ANKRD18B: variants seen among roughly 807,000 people sequenced by gnomAD.
ANKRD18B encodes ankyrin repeat domain-containing protein 18B.
A neutral mutation model predicts 111.8 loss-of-function variants in ANKRD18B; 75 were observed. The observed-to-expected ratio is 0.67, with a 90% confidence interval of 0.56 to 0.81. ANKRD18B has a LOEUF of 0.81. ANKRD18B is among the 40% of genes least tolerant of loss of function. The pLI, the probability that ANKRD18B is intolerant of heterozygous loss-of-function variation, is 0.00. For missense variants in ANKRD18B, 1,038 were observed against 1,225.5 expected, an observed-to-expected ratio of 0.85 and a Z score of 2.28; for synonymous variants, 356 against 417.3, an observed-to-expected ratio of 0.85 and a Z score of 1.79.
intron 11 of ANKRD18B, among the ~76,000 whole-genome samples, chr9:33,549,653 G>C (rs1240789670): frequency 1.3e-5 from 2 of 152,014 alleles, no homozygotes; most frequent in African/African-American, 4.8e-5. Context: ...ACTTTGTTCT[G>C]ATTCATACCA....
In ANKRD18B at chr9:33,566,331, A is replaced by C. The variant is rs533839879; in HGVS notation, c.2573A>C (p.Lys858Thr). Residue 858 changes from lysine to threonine, a missense_variant, in exon 15 of 19, where the codon AAA becomes ACA. By Grantham distance (78) the Lys-to-Thr change is moderately conservative. This residue lies in a region of ANKRD18B where 524 missense variants were observed against 677.9 expected (regional missense o/e 0.77). Coordinates refer to ENST00000684830, the MANE Select transcript of ANKRD18B (RefSeq NM_001393611.1). ...ELLSMGKVQE[K>T]CEKLEKDKKM... Reference sequence around the variant, plus strand: ...TTATCTATGGGAAAAGTACAAGAGAAATGTGAAAAACTTGAGAAGGATAAA... The same window carrying C: ...TTATCTATGGGAAAAGTACAAGAGACATGTGAAAAACTTGAGAAGGATAAA... The C allele has an allele frequency of 1.9e-6, 3 of 1,565,424 alleles. No homozygotes were observed. The highest frequency in any genetic ancestry group is 4.8e-5 in the East Asian group (2 of 42,068).
chr9:33,554,396 A>G (rs1828492612), intron 12 of ANKRD18B, among the ~76,000 whole-genome samples: 1 of 152,244 alleles, frequency 6.6e-6, no homozygotes. Flanking sequence ...AATATTGTCT[A>G]TAATATGTGT....
intron 5 of ANKRD18B, among the ~76,000 whole-genome samples, chr9:33,535,871 G>A (rs1242200427): frequency 1.3e-5 from 2 of 148,620 alleles, no homozygotes; most frequent in African/African-American, 4.9e-5. Flanking sequence ...CATTATAAAA[G>A]TATTCATGTA....
chr9:33,572,014 G>A, intron 18 of ANKRD18B: 1 of 349,212 alleles, frequency 2.9e-6, no homozygotes, highest in Non-Finnish European at 5.3e-6. Context: ...TTAGGTTATA[G>A]CATATGACTA....
chr9:33,529,591 G>A (rs937471592), intron 3 of ANKRD18B, among the ~76,000 whole-genome samples: 1 of 152,204 alleles, frequency 6.6e-6, no homozygotes, highest in African/African-American at 2.4e-5. Context: ...CATGGGCAAG[G>A]TTTAAGACGG....
At position 33,570,533 on chromosome 9, in the gene ANKRD18B, T is replaced by G. The variant is rs186045193; in HGVS notation, c.3178-713T>G. On this transcript the variant is annotated intron_variant, in intron 17 of 18. Transcript: ENST00000684830. Reference sequence around the variant, plus strand: ...TATAAATTTCTTTTTAAGAAAAAATTTATTGAAGTAAAAAATGGATTAAAC... The same window carrying G: ...TATAAATTTCTTTTTAAGAAAAAATGTATTGAAGTAAAAAATGGATTAAAC... 9.8e-4 allele frequency among the ~76,000 whole-genome samples: 149 copies of G among 152,144 alleles called. 1 individual carries two copies. The highest frequency in any genetic ancestry group is 1.7e-3 in the Non-Finnish European group (117 of 67,998).
At chr9:33,552,449 G>C (rs555974147) in intron 12 of ANKRD18B, among the ~76,000 whole-genome samples, 1 of 152,302 alleles carries the variant, frequency 6.6e-6, no homozygotes, top group East Asian at 1.9e-4. Flanking sequence ...CTGCTGGGAG[G>C]GAATTGATTC....
At chr9:33,525,744 A>G (rs1392110335) in intron 1 of ANKRD18B, among the ~76,000 whole-genome samples, 3 of 150,472 alleles carry the variant, frequency 2.0e-5, no homozygotes, top group African/African-American at 7.3e-5. Context: ...TTTACTATAT[A>G]TATTTTTACT....
rs879133173 is a variant in ANKRD18B at position 33,572,507 on chromosome 9, C to T, written c.*73C>T. The T allele has an allele frequency of 6.5e-6, 9 of 1,391,004 alleles. No individual in the cohort carries two copies. Among genetic ancestry groups the T allele is most frequent in the African/African-American group, 2.9e-5 (2 of 68,400 alleles). The allele number at this position is 1,391,004 out of a possible 1,614,324, so 86.2% of individuals were successfully genotyped here. A position where few individuals can be genotyped will look rare whatever the true frequency, so the allele number is the denominator to read the frequency against. ...GTTTCTCATAAAATATAAAACATCA[C>T]AATCTTTACTAAAGTAGAATATTTT... On this transcript the variant is annotated 3_prime_UTR_variant, in exon 19 of 19. Coordinates refer to ENST00000684830, the MANE Select transcript of ANKRD18B (RefSeq NM_001393611.1).
At position 33,536,930 on chromosome 9, in the gene ANKRD18B, C is replaced by T. The variant is rs926158424; in HGVS notation, c.793C>T (p.Arg265Ter). The stretch of plus-strand genomic sequence containing the variant: ...AAATAAGATGCTTAAAAATCATCTT[C>T]GAAATGACAATCAAGGTAAGACTTC... ...HKNKMLKNHL[R>*]NDNQEAAAMK... Residue 265 changes from arginine to a stop codon, truncating the protein, a stop_gained, in exon 6 of 19, where the codon CGA becomes TGA. Transcript: ENST00000684830. LOFTEE classifies it high-confidence loss of function. 2.1e-5 allele frequency: 31 copies of T among 1,500,018 alleles called. No homozygotes were observed. Among genetic ancestry groups the T allele is most frequent in the African/African-American group, 4.3e-5 (3 of 70,428 alleles). 92.9% of individuals were successfully genotyped at this position (1,500,018 alleles called of 1,614,324 possible).
In ANKRD18B at chr9:33,543,101, G is replaced by A. The variant is rs972507189; in HGVS notation, c.1079-84G>A. ...TAAATTCTCAATTTATAAAAGAAAAGTGTGTGTTGTTTTGTATCAATTTTT... is the reference window on the plus strand; with the variant it reads ...TAAATTCTCAATTTATAAAAGAAAAATGTGTGTTGTTTTGTATCAATTTTT... On this transcript the variant is annotated intron_variant, in intron 9 of 18. Coordinates refer to ENST00000684830, the MANE Select transcript of ANKRD18B (RefSeq NM_001393611.1). 2.5e-6 allele frequency: 3 copies of A among 1,181,068 alleles called. No individual in the cohort carries two copies. In the African/African-American group the frequency reaches 4.7e-5, roughly 19 times the overall value. 73.2% of individuals were successfully genotyped at this position (1,181,068 alleles called of 1,614,324 possible). A position where few individuals can be genotyped will look rare whatever the true frequency, so the allele number is the denominator to read the frequency against.
intron 6 of ANKRD18B, among the ~76,000 whole-genome samples, chr9:33,537,901 A>C (rs751756536): frequency 2.0e-4 from 30 of 152,356 alleles, no homozygotes; most frequent in Non-Finnish European, 1.6e-4. Flanking sequence ...AAAAGAAAAA[A>C]ATATACTTAG....
intron 13 of ANKRD18B, among the ~76,000 whole-genome samples, chr9:33,556,700 A>T (rs1587272087): frequency 7.4e-6 from 1 of 134,842 alleles, no homozygotes; most frequent in Admixed American, 7.1e-5. Context: ...AATATTCTTC[A>T]CTGCTGCATT....
Position 33,524,688 on chromosome 9 carries a change from A to G in ANKRD18B, c.199A>G (p.Lys67Glu). The G allele has an allele frequency of 2.6e-6, 4 of 1,549,760 alleles. No homozygotes were observed. Among genetic ancestry groups the G allele is most frequent in the Non-Finnish European group, 3.5e-6 (4 of 1,146,462 alleles). Residue 67 changes from lysine to glutamate, a missense_variant, in exon 1 of 19, where the codon AAA becomes GAA. By Grantham distance (56) the Lys-to-Glu change is moderately conservative. This residue lies in a region of ANKRD18B where 216 missense variants were observed against 205.1 expected (regional missense o/e 1.05). Transcript: ENST00000684830. ...CCGGGACTTGGACGTCCGCGACAGA[A>G]AAGACAGGTAGCGGGGGCTCAGCCC... is the stretch of plus-strand genomic sequence containing the variant. The part of the protein sequence containing the change: ...RFRDLDVRDR[K>E]DRTVLHLACA...
intron 9 of ANKRD18B, among the ~76,000 whole-genome samples, chr9:33,541,548 T>C (rs1202486580): frequency 6.6e-6 from 1 of 152,112 alleles, no homozygotes; most frequent in Non-Finnish European, 1.5e-5. Flanking sequence ...TTGCAAAAAC[T>C]GTAACTTGGT....
Position 33,524,500 on chromosome 9 carries a change from T to G in ANKRD18B, c.11T>G (p.Leu4Arg). The G allele has an allele frequency of 6.5e-7, 1 of 1,547,524 alleles. No homozygotes were observed. Among genetic ancestry groups the G allele is most frequent in the Non-Finnish European group, 8.7e-7 (1 of 1,145,524 alleles). The change falls in exon 1 of 19, where the codon CTC becomes CGC. Residue 4 changes from leucine to arginine, a missense_variant. Transcript: ENST00000684830. The part of the protein sequence containing the change: MRK[L>R]LSFGRRLGQA... ...TGAGAAGTCGCCACCATGAGGAAGC[T>G]CCTCAGTTTTGGGAGACGCCTGGGC...
downstream of ANKRD18B, among the ~76,000 whole-genome samples, chr9:33,573,851 C>T (rs1828820641): frequency 6.9e-6 from 1 of 145,274 alleles, no homozygotes; most frequent in South Asian, 2.3e-4. Flanking sequence ...CGGTGGCCTC[C>T]TCAGTGAAGG....
chr9:33,557,692 A>G (rs891800947), intron 13 of ANKRD18B, among the ~76,000 whole-genome samples: 3 of 152,026 alleles, frequency 2.0e-5, no homozygotes, highest in African/African-American at 7.2e-5. Context: ...GGAGGCTGAG[A>G]CAGGAGAATC....
chr9:33,535,186 T>TTTTGCCACCAGGCAAA (rs879792313), intron 5 of ANKRD18B, among the ~76,000 whole-genome samples: 14 of 152,132 alleles, frequency 9.2e-5, no homozygotes, highest in Non-Finnish European at 1.8e-4. Flanking sequence ...TGCAATCTGG[T>TTTTGCCACCAGGCAAA]AATGATTGAC....
Sources: gnomAD v4.1 joint callset for allele counts (sites outside exome capture counted in the v4.1 genomes callset) on GRCh38, gnomAD v4.1.1 for gene constraint, gnomAD v4.1.1 regional missense constraint, MANE v1.5 for transcripts, NCBI Gene and HGNC (gene_info 2026-07-23, HGNC 2026-07-21) for gene names.